Variants in FAM13B observed in about 807,000 individuals in gnomAD.
FAM13B encodes family with sequence similarity 13 member B, also known as protein FAM13B.
FAM13B carries 60 observed loss-of-function variants against 117.3 expected under a neutral mutation model. The observed-to-expected ratio is 0.51, with a 90% CI of 0.42 to 0.63. The LOEUF (loss-of-function observed/expected upper bound fraction) is 0.63. Among genes scored for constraint, FAM13B ranks in the 30% least tolerant of loss-of-function variants. The probability of loss-of-function intolerance (pLI) is 0.00; values close to 1 mark genes in which losing one functional copy is unlikely to be tolerated. For missense variants in FAM13B, 972 were observed against 1,091.9 expected, an observed-to-expected ratio of 0.89 and a Z score of 1.55; for synonymous variants, 332 against 356.1, an observed-to-expected ratio of 0.93 and a Z score of 0.76.
intron 23 of FAM13B, among the ~76,000 whole-genome samples, chr5:137,940,726 G>C (rs1761457248): frequency 6.6e-6 from 1 of 152,162 alleles, no homozygotes; most frequent in Admixed American, 6.5e-5. Flanking sequence ...AGTGAATTGA[G>C]ATGTAAAAGT....
intron 10 of FAM13B, among the ~76,000 whole-genome samples, chr5:137,969,795 G>A (rs943722676): frequency 3.9e-5 from 6 of 152,202 alleles, no homozygotes; most frequent in East Asian, 1.9e-4. Flanking sequence ...ACCAAGGCTC[G>A]AGAACTACGT....
At chr5:137,982,447 G>A (rs1016278316) in intron 10 of FAM13B, among the ~76,000 whole-genome samples, 1 of 152,078 alleles carries the variant, frequency 6.6e-6, no homozygotes, top group Non-Finnish European at 1.5e-5. Flanking sequence ...TCAGCTACTC[G>A]GGAGGCAGAG....
In FAM13B at chr5:137,959,654, A is replaced by G. The variant is rs1248133008; in HGVS notation, c.1403T>C (p.Leu468Ser). The change falls in exon 13 of 24, where the codon TTA becomes TCA. Residue 468 changes from leucine to serine, a missense_variant. Physicochemically the swap from Leu to Ser is moderately radical, Grantham distance 145. Transcript: ENST00000689681. ...ACCATCAGAAACATTCTTCAGATCT[A>G]AATGTGGAATACTGACACACGCTGC... ...GEAACVSIPH[L>S]DLKNVSDGDK... The G allele has an allele frequency of 6.2e-7, 1 of 1,614,000 alleles. No homozygotes were observed.
intron 17 of FAM13B, among the ~76,000 whole-genome samples, chr5:137,951,323 C>T: frequency 6.6e-6 from 1 of 151,338 alleles, no homozygotes; most frequent in East Asian, 1.9e-4. Context: ...ACTGCTATAT[C>T]CCTAGTTGTC....
chr5:137,941,819 A>G, intron 23 of FAM13B, 125 bp downstream of exon 23: 2 of 754,194 alleles, frequency 2.7e-6, no homozygotes, highest in East Asian at 2.7e-5. Flanking sequence ...GGAATGTTTT[A>G]AAATTTTTCA....
chr5:137,994,042 G>A (rs959885158), intron 7 of FAM13B, among the ~76,000 whole-genome samples: 1 of 152,138 alleles, frequency 6.6e-6, no homozygotes, highest in African/African-American at 2.4e-5. Context: ...AAGTTCCAGT[G>A]GCCTTAAATT....
chr5:137,986,434 C>T (rs1172154041), intron 9 of FAM13B, among the ~76,000 whole-genome samples: 4 of 56,530 alleles, frequency 7.1e-5, no homozygotes, highest in African/African-American at 1.4e-4. Flanking sequence ...CTTCCCCCCC[C>T]CAAAAAAAAT....
At chr5:138,035,242 C>T (rs1046179504), upstream of FAM13B, among the ~76,000 whole-genome samples, 2 of 151,656 alleles carry the variant, frequency 1.3e-5, no homozygotes, top group Admixed American at 1.3e-4. Flanking sequence ...AACTCCTGGC[C>T]TCAAGTGATC....
At chr5:137,975,533 C>G (rs1773657312) in intron 10 of FAM13B, among the ~76,000 whole-genome samples, 1 of 147,634 alleles carries the variant, frequency 6.8e-6, no homozygotes, top group Non-Finnish European at 1.5e-5. Flanking sequence ...TGTCTGATTT[C>G]TCCCCACAGA....
intron 1 of FAM13B, among the ~76,000 whole-genome samples, chr5:138,045,979 G>A (rs1791630271): frequency 6.6e-6 from 1 of 151,898 alleles, no homozygotes; most frequent in South Asian, 2.1e-4. Context: ...AGTATGATGT[G>A]GTTTGGCTGT....
Position 138,007,153 on chromosome 5 carries a change from T to C in FAM13B, c.691-6A>G, listed in dbSNP as rs761702579. 4.5e-6 allele frequency: 7 copies of C among 1,571,776 alleles called. No individual in the cohort carries two copies. Among genetic ancestry groups the C allele is most frequent in the South Asian group, 1.2e-5 (1 of 84,714 alleles). ...TCCTCAGAAAGTTCATTAACCTATATAAATAAAAAGAAATTCAGAATTAAA... is the reference window on the plus strand; with the variant it reads ...TCCTCAGAAAGTTCATTAACCTATACAAATAAAAAGAAATTCAGAATTAAA... On this transcript the variant is annotated splice_polypyrimidine_tract_variant and splice_region_variant and intron_variant, in intron 6 of 23. Coordinates refer to ENST00000689681, the MANE Select transcript of FAM13B (RefSeq NM_001385994.1).
Position 137,988,333 on chromosome 5 carries a change from A to C in FAM13B, c.849-18T>G. The stretch of plus-strand genomic sequence containing the variant: ...TATGGGTGCTGCAATCAAAGAAAGA[A>C]ATTAGCTATAAAAATGTTCAATACT... On this transcript the variant is annotated intron_variant, in intron 7 of 23. Coordinates refer to ENST00000689681, the MANE Select transcript of FAM13B (RefSeq NM_001385994.1). 1.3e-6 allele frequency: 2 copies of C among 1,555,046 alleles called. No homozygotes were observed.
At chr5:138,049,411 C>T (rs1312163986) in intron 1 of FAM13B, among the ~76,000 whole-genome samples, 1 of 151,962 alleles carries the variant, frequency 6.6e-6, no homozygotes, top group Non-Finnish European at 1.5e-5. Flanking sequence ...GTAGCTGGGA[C>T]TACAGGCGTG....
rs763869369 is a variant in FAM13B at position 137,952,632 on chromosome 5, A to C, written c.1926T>G (p.Ile642Met). 44 of 1,588,776 alleles carry C rather than the reference A, an allele frequency of 2.8e-5. No homozygotes were observed. Among genetic ancestry groups the C allele is most frequent in the Admixed American group, 1.2e-4 (7 of 57,988 alleles). The change falls in exon 17 of 24, where the codon ATT becomes ATG. Residue 642 changes from isoleucine (I) to methionine (M), a missense_variant. By Grantham distance (10) the Ile-to-Met change is conservative. Coordinates refer to ENST00000689681, the MANE Select transcript of FAM13B (RefSeq NM_001385994.1). ...ACAAAATGGCACATAATATACCTTTAATTTGCTTCCGCAGTTTTGTAAGCT... is the reference window on the plus strand; with the variant it reads ...ACAAAATGGCACATAATATACCTTTCATTTGCTTCCGCAGTTTTGTAAGCT... ...MTELTKLRKQIKDAKHKNSDG... is the reference protein window; with the variant it reads ...MTELTKLRKQMKDAKHKNSDG...
intron 8 of FAM13B, among the ~76,000 whole-genome samples, 190 bp downstream of exon 8, chr5:137,988,084 C>T (rs1777682629): frequency 6.6e-6 from 1 of 152,166 alleles, no homozygotes; most frequent in Admixed American, 6.5e-5. Context: ...GAAGAAAGCT[C>T]ATCTTTATTT....
chr5:138,040,956 C>T (rs570469527), intron 1 of FAM13B, among the ~76,000 whole-genome samples: 24 of 150,960 alleles, frequency 1.6e-4, no homozygotes, highest in South Asian at 1.3e-3. Flanking sequence ...CCCAGCTACT[C>T]GAGAGGCTAA....
At chr5:137,995,580 T>C (rs1396424700) in intron 7 of FAM13B, among the ~76,000 whole-genome samples, 1 of 152,216 alleles carries the variant, frequency 6.6e-6, no homozygotes, top group Non-Finnish European at 1.5e-5. Context: ...ACTATGGTTT[T>C]GAAAAATGAA....
intron 1 of FAM13B, among the ~76,000 whole-genome samples, chr5:138,044,326 C>G (rs763437011): frequency 6.6e-6 from 1 of 152,054 alleles, no homozygotes; most frequent in Admixed American, 6.6e-5. Flanking sequence ...CCAAGGTGAG[C>G]GGATCACCTG....
intron 13 of FAM13B, among the ~76,000 whole-genome samples, chr5:137,957,664 T>C (rs1766976860): frequency 6.6e-6 from 1 of 152,088 alleles, no homozygotes; most frequent in Non-Finnish European, 1.5e-5. Context: ...ACATGCACAG[T>C]TCATGGCTGG....
Sources: allele counts gnomAD v4.1 joint callset (sites outside exome capture counted in the v4.1 genomes callset), GRCh38; gene constraint gnomAD v4.1.1; transcripts MANE v1.5; gene names NCBI Gene and HGNC (gene_info 2026-07-23, HGNC 2026-07-21).